The following BDH2 variants were observed in gnomAD, a reference collection of about 807,000 sequenced individuals.
BDH2 encodes 3-hydroxybutyrate dehydrogenase 2, also known as dehydrogenase/reductase SDR family member 6.
In BDH2, 24 loss-of-function variants were observed where a neutral mutation model predicts 33.2. That is an observed-to-expected ratio of 0.72 (90% CI 0.52 to 1.02). The LOEUF (loss-of-function observed/expected upper bound fraction) is 1.02, where lower values mean the gene tolerates loss of function less well. BDH2 is among the 50% of genes least tolerant of loss of function. The probability of loss-of-function intolerance (pLI) is 0.00; values close to 1 mark genes in which losing one functional copy is unlikely to be tolerated. For synonymous variants in BDH2, 81 were observed against 101.6 expected, an observed-to-expected ratio of 0.80 and a Z score of 1.22; for missense variants, 249 against 301.6, an observed-to-expected ratio of 0.83 and a Z score of 1.29.
In BDH2 at chr4:103,085,431, G is replaced by C. The variant is rs368237940; in HGVS notation, c.450C>G (p.Thr150=). 9.3e-6 allele frequency: 15 copies of C among 1,613,166 alleles called. No homozygotes were observed. Among genetic ancestry groups the C allele is most frequent in the East Asian group, 2.2e-5 (1 of 44,890 alleles). ...GVVNRCVYST[T]KAAVIGLTKS... ...TTGTGAGGCCAATCACGGCTGCCTT[G>C]GTTGTGCTGTACACACATCTGTTCA... is the stretch of plus-strand genomic sequence containing the variant. The change falls in exon 7 of 10, where the codon ACC becomes ACG. Residue 150 remains threonine (T), a synonymous_variant. Transcript: ENST00000296424.
intron 6 of BDH2, chr4:103,086,274 C>T (rs1251142971): frequency 3.8e-6 from 5 of 1,305,790 alleles, no homozygotes; most frequent in African/African-American, 1.5e-5. Flanking sequence ...CAAAAATACC[C>T]CACATTTTAA....
intron 1 of BDH2, chr4:103,097,819 A>G (rs1335471814): frequency 1.3e-5 from 2 of 152,208 alleles, no homozygotes; most frequent in South Asian, 2.1e-4. Flanking sequence ...CTTACAGTAC[A>G]TGCAAACTAG....
At chr4:103,088,542 C>G (rs867172196) in intron 5 of BDH2, among the ~76,000 whole-genome samples, 1 of 152,328 alleles carries the variant, frequency 6.6e-6, no homozygotes, top group African/African-American at 2.4e-5. Context: ...AGGTCAGGAG[C>G]TGTCGTCATG....
At chr4:103,088,619 G>C (rs1207321248) in intron 5 of BDH2, among the ~76,000 whole-genome samples, 2 of 152,144 alleles carry the variant, frequency 1.3e-5, no homozygotes, top group Admixed American at 1.3e-4. Context: ...AAAGTCAAGT[G>C]CCTGGTACAT....
rs1747369456 is a variant in BDH2 at position 103,078,808 on chromosome 4, T to A, written c.*894A>T. 6.6e-6 allele frequency among the ~76,000 whole-genome samples: 1 copy of A among 152,120 alleles called. No homozygotes were observed. Among genetic ancestry groups the A allele is most frequent in the Admixed American group, 6.5e-5 (1 of 15,278 alleles). On this transcript the variant is annotated 3_prime_UTR_variant, in exon 10 of 10. Transcript: ENST00000296424. ...AGGGTCTTGCTCTGTCACCCTGGAG[T>A]GCAGTGGCATGATTACAGCTCACTG...
At position 103,095,266 on chromosome 4, in the gene BDH2, C is replaced by T. The variant is rs1560575188; in HGVS notation, c.88G>A (p.Gly30Ser). 6.2e-7 allele frequency: 1 copy of T among 1,613,502 alleles called. No individual in the cohort carries two copies. Among genetic ancestry groups the T allele is most frequent in the Non-Finnish European group, 8.5e-7 (1 of 1,179,608 alleles). ...QAAALAFARE[G>S]AKVIATDINE... ...ATGTCTGTGGCTATGACTTTGGCAC[C>T]TTCTCTTGCAAAAGCCTAGTAGACA... The change falls in exon 3 of 10, where the codon GGT becomes AGT. Residue 30 changes from glycine to serine, a missense_variant. Transcript: ENST00000296424.
At chr4:103,084,106 C>A (rs1158549478) in intron 7 of BDH2, among the ~76,000 whole-genome samples, 4 of 152,182 alleles carry the variant, frequency 2.6e-5, no homozygotes, top group Non-Finnish European at 5.9e-5. Flanking sequence ...TCCTCACTTT[C>A]CTCAATAGCC....
chr4:103,079,791 C>A (rs1747420349), intron 9 of BDH2, 36 bp from the exon 10 acceptor site: 2 of 1,594,140 alleles, frequency 1.3e-6, no homozygotes, highest in Non-Finnish European at 1.7e-6. Context: ...GAACAATTAA[C>A]CAGGTTTGAT....
intron 5 of BDH2, among the ~76,000 whole-genome samples, chr4:103,089,654 G>A (rs74684608): frequency 6.6e-6 from 1 of 152,176 alleles, no homozygotes; most frequent in East Asian, 1.9e-4. Context: ...TTAGAGCCTG[G>A]TTTTGCAAAT....
At chr4:103,093,641 AATAC>A (rs1748217965) in intron 3 of BDH2, among the ~76,000 whole-genome samples, 1 of 147,760 alleles carries the variant, frequency 6.8e-6, no homozygotes, top group South Asian at 2.1e-4. Context: ...ATATATGAAT[AATAC>A]ATATAATATA....
intron 3 of BDH2, among the ~76,000 whole-genome samples, chr4:103,094,051 C>A (rs1748241969): frequency 6.6e-6 from 1 of 152,026 alleles, no homozygotes; most frequent in Non-Finnish European, 1.5e-5. Flanking sequence ...GTTCTGATTT[C>A]TTTGGGTAAA....
At chr4:103,082,846 A>G (rs1235956745) in intron 8 of BDH2, 25 bp downstream of exon 8, 2 of 1,579,632 alleles carry the variant, frequency 1.3e-6, no homozygotes, top group Non-Finnish European at 1.7e-6. Flanking sequence ...AAAAGGTTTA[A>G]ATACATTTTA....
At position 103,079,766 on chromosome 4, in the gene BDH2, A is replaced by G. The variant is rs1747418979; in HGVS notation, c.685-11T>C. 2 of 1,610,920 alleles carry G rather than the reference A, an allele frequency of 1.2e-6. No homozygotes were observed. Among genetic ancestry groups the G allele is most frequent in the East Asian group, 4.5e-5 (2 of 44,846 alleles). Reference sequence around the variant, plus strand: ...AGTTACATAAGCAGACTGCAGTGATAAACACAAGGAGACAGAACAATTAAC... The same window carrying G: ...AGTTACATAAGCAGACTGCAGTGATGAACACAAGGAGACAGAACAATTAAC... On this transcript the variant is annotated splice_polypyrimidine_tract_variant and intron_variant, in intron 9 of 9. Coordinates refer to ENST00000296424, the MANE Select transcript of BDH2 (RefSeq NM_020139.4).
intron 9 of BDH2, 105 bp from the exon 10 acceptor site, chr4:103,079,860 C>T: frequency 9.5e-7 from 1 of 1,055,886 alleles, no homozygotes. Context: ...TACCCTTGTC[C>T]TAACAGGAAA....
intron 5 of BDH2, among the ~76,000 whole-genome samples, chr4:103,090,729 T>G (rs1312658009): frequency 6.6e-6 from 1 of 152,196 alleles, no homozygotes; most frequent in Non-Finnish European, 1.5e-5. Context: ...ACCTGAATGA[T>G]CAGCTGTCTC....
intron 5 of BDH2, among the ~76,000 whole-genome samples, chr4:103,090,152 G>C (rs1433710597): frequency 6.6e-6 from 1 of 152,138 alleles, no homozygotes; most frequent in African/African-American, 2.4e-5. Flanking sequence ...TTACAACCTT[G>C]AGTTGAGCTG....
At position 103,088,786 on chromosome 4, in the gene BDH2, C is replaced by A. The variant is rs568195546; in HGVS notation, c.358-2246G>T. Among the ~76,000 whole-genome samples the A allele has an allele frequency of 5.9e-5, 9 of 152,266 alleles. No homozygotes were observed. The South Asian group carries it at 1.9e-3, about 32-fold the overall frequency. On this transcript the variant is annotated intron_variant, in intron 5 of 9. Coordinates refer to ENST00000296424, the MANE Select transcript of BDH2 (RefSeq NM_020139.4). The stretch of plus-strand genomic sequence containing the variant: ...GCCCCTAACCCTGGTGGAACCTGGC[C>A]ACTTGGGTCTCCAGTGGTTCCTGCT...
intron 5 of BDH2, among the ~76,000 whole-genome samples, chr4:103,090,866 T>A (rs1379447185): frequency 6.6e-6 from 1 of 152,158 alleles, no homozygotes; most frequent in African/African-American, 2.4e-5. Flanking sequence ...ATTTGATTAC[T>A]AATTGTCCCA....
At chr4:103,086,164 G>A (rs529642278) in intron 6 of BDH2, 14 of 1,120,928 alleles carry the variant, frequency 1.2e-5, no homozygotes, top group African/African-American at 1.6e-5. Context: ...AGCACATACC[G>A]GTGCTCAATA....
Sources: gnomAD v4.1 joint callset for allele counts (sites outside exome capture counted in the v4.1 genomes callset) on GRCh38, gnomAD v4.1.1 for gene constraint, MANE v1.5 for transcripts, NCBI Gene and HGNC (gene_info 2026-07-23, HGNC 2026-07-21) for gene names.